Variants in NUP37 observed in about 807,000 individuals in gnomAD.
NUP37 encodes the protein nucleoporin 37.
NUP37 carries 33 observed loss-of-function variants against 45.4 expected under a neutral mutation model. The ratio of observed to expected loss-of-function variants is 0.73; its 90% CI spans 0.55 to 0.97. The LOEUF is 0.97. Among genes scored for constraint, NUP37 ranks in the 50% least tolerant of loss-of-function variants. The probability of loss-of-function intolerance (pLI) is 0.00; values close to 1 mark genes in which losing one functional copy is unlikely to be tolerated. For synonymous variants in NUP37, 127 were observed against 130.7 expected (o/e 0.97, Z 0.19); for missense variants, 365 against 389.7 (o/e 0.94, Z 0.53).
At chr12:102,099,335 G>A (rs540035144) in intron 4 of NUP37, 135 bp from the exon 5 acceptor site, 13 of 656,876 alleles carry the variant, frequency 2.0e-5, no homozygotes, top group East Asian at 8.3e-5. Flanking sequence ...TAAGCAATCC[G>A]CTATTTTTAA....
At chr12:102,083,028 A>G (rs1879371357) in intron 6 of NUP37, among the ~76,000 whole-genome samples, 1 of 152,238 alleles carries the variant, frequency 6.6e-6, no homozygotes, top group Non-Finnish European at 1.5e-5. Context: ...CATAAAAGAA[A>G]GGAGATGGGG....
At chr12:102,090,299 T>C (rs552776011) in intron 5 of NUP37, among the ~76,000 whole-genome samples, 9 of 152,280 alleles carry the variant, frequency 5.9e-5, no homozygotes, top group African/African-American at 2.2e-4. Flanking sequence ...AGTTTTAAAA[T>C]GTTGTAAACA....
At chr12:102,104,863 G>A (rs1302284355) in intron 3 of NUP37, among the ~76,000 whole-genome samples, 1 of 152,118 alleles carries the variant, frequency 6.6e-6, no homozygotes, top group South Asian at 2.1e-4. Context: ...ATTGCGATAC[G>A]ATTTGAAATA....
chr12:102,114,976 C>T (rs1880422345), intron 2 of NUP37, among the ~76,000 whole-genome samples: 2 of 152,168 alleles, frequency 1.3e-5, no homozygotes, highest in Admixed American at 1.3e-4. Flanking sequence ...AATATCTGGC[C>T]ATAGCTGATC....
At chr12:102,118,272 A>G in intron 2 of NUP37, 91 bp downstream of exon 2, 1 of 1,258,782 alleles carries the variant, frequency 7.9e-7, no homozygotes, top group Non-Finnish European at 1.1e-6. Flanking sequence ...ATTCAAACTC[A>G]ATATACTTTC....
At chr12:102,107,784 G>T (rs1467646459) in intron 3 of NUP37, among the ~76,000 whole-genome samples, 23 of 152,242 alleles carry the variant, frequency 1.5e-4, no homozygotes, top group Admixed American at 7.2e-4. Flanking sequence ...TCATAAGAAA[G>T]TTCATAAGCA....
At chr12:102,104,685 C>A (rs1156831767) in intron 3 of NUP37, among the ~76,000 whole-genome samples, 1 of 152,092 alleles carries the variant, frequency 6.6e-6, no homozygotes, top group African/African-American at 2.4e-5. Context: ...TTATTCAACA[C>A]CATTTGTTGA....
chr12:102,082,400 C>G (rs1879354108), intron 6 of NUP37, among the ~76,000 whole-genome samples: 1 of 152,124 alleles, frequency 6.6e-6, no homozygotes, highest in Admixed American at 6.5e-5. Context: ...GACTGTAGAG[C>G]ACTGTAAATG....
intron 2 of NUP37, among the ~76,000 whole-genome samples, chr12:102,114,241 AT>A (rs1300986250): frequency 6.6e-6 from 1 of 152,354 alleles, no homozygotes; most frequent in East Asian, 1.9e-4. Flanking sequence ...AAGTTTTTGC[AT>A]GTAAATACAC....
At chr12:102,086,915 C>T (rs373854790) in intron 5 of NUP37, among the ~76,000 whole-genome samples, 1 of 152,198 alleles carries the variant, frequency 6.6e-6, no homozygotes, top group East Asian at 1.9e-4. Context: ...GAAACTTCGT[C>T]TCTACAAAAC....
intron 7 of NUP37, 138 bp downstream of exon 7, chr12:102,077,184 A>T (rs1879194461): frequency 2.4e-6 from 2 of 833,742 alleles, no homozygotes; most frequent in African/African-American, 1.7e-5. Flanking sequence ...AAAAATCCAT[A>T]GCTCTGGCCT....
intron 5 of NUP37, among the ~76,000 whole-genome samples, chr12:102,093,166 G>A (rs1380301438): frequency 6.6e-6 from 1 of 151,962 alleles, no homozygotes; most frequent in East Asian, 1.9e-4. Context: ...CTTTGAGGGT[G>A]GAGAGAGAAG....
At chr12:102,075,217 C>T (rs1424110253) in intron 8 of NUP37, 123 bp from the exon 9 acceptor site, 1 of 566,494 alleles carries the variant, frequency 1.8e-6, no homozygotes, top group African/African-American at 1.9e-5. Flanking sequence ...GCTCTGTCAC[C>T]CAGGCTGGAG....
chr12:102,115,672 G>C (rs888837308), intron 2 of NUP37: 1 of 215,802 alleles, frequency 4.6e-6, no homozygotes, highest in Non-Finnish European at 7.9e-6. Flanking sequence ...CATAATCAAA[G>C]GGACAACATG....
chr12:102,090,393 A>G (rs960427936), intron 5 of NUP37, among the ~76,000 whole-genome samples: 37 of 152,110 alleles, frequency 2.4e-4, no homozygotes, highest in African/African-American at 8.7e-4. Context: ...TGAGAAGGCT[A>G]TTTTCTAATA....
intron 6 of NUP37, among the ~76,000 whole-genome samples, chr12:102,082,504 T>G (rs1457084423): frequency 3.3e-5 from 5 of 152,210 alleles, no homozygotes; most frequent in African/African-American, 1.2e-4. Context: ...ATTGACTGAG[T>G]GCTTACTATG....
At chr12:102,082,841 G>C (rs898824641) in intron 6 of NUP37, among the ~76,000 whole-genome samples, 24 of 152,174 alleles carry the variant, frequency 1.6e-4, no homozygotes, top group African/African-American at 5.6e-4. Flanking sequence ...AGAAAAGAAA[G>C]GGGGAGAATG....
chr12:102,074,685 T>G (rs2136709019), intron 9 of NUP37: 1 of 488,184 alleles, frequency 2.0e-6, no homozygotes, highest in East Asian at 3.3e-5. Context: ...CCAGACTCCA[T>G]TTTTGCAGTC....
chr12:102,111,046 C>T (rs1880300760), intron 3 of NUP37, among the ~76,000 whole-genome samples: 1 of 152,096 alleles, frequency 6.6e-6, no homozygotes, highest in South Asian at 2.1e-4. Context: ...TAACTAAAGC[C>T]TAGAAACTGT....
Sources: gnomAD v4.1 joint callset for allele counts (sites outside exome capture counted in the v4.1 genomes callset) on GRCh38, gnomAD v4.1.1 for gene constraint, MANE v1.5 for transcripts, NCBI Gene and HGNC (gene_info 2026-07-23, HGNC 2026-07-21) for gene names.